The following GABRA5 variants were observed in gnomAD, a reference collection of about 807,000 sequenced individuals.
The protein encoded by GABRA5 is gamma-aminobutyric acid type A receptor subunit alpha5.
A neutral mutation model predicts 47.3 loss-of-function variants in GABRA5; 18 were observed. That is an observed-to-expected ratio of 0.38 (90% CI 0.26 to 0.56). The LOEUF is 0.56. Among genes scored for constraint, GABRA5 ranks in the 20% least tolerant of loss-of-function variants. GABRA5 has a pLI of 0.71. For synonymous variants in GABRA5, 237 were observed against 229.3 expected, an observed-to-expected ratio of 1.03 and a Z score of -0.30; for missense variants, 365 against 599.3, an observed-to-expected ratio of 0.61 and a Z score of 4.08.
chr15:26,882,563 C>T (rs1892758750), intron 4 of GABRA5, among the ~76,000 whole-genome samples: 1 of 152,178 alleles, frequency 6.6e-6, no homozygotes, highest in South Asian at 2.1e-4. Context: ...ATCACTTTAC[C>T]TATTTCCAAT....
At chr15:26,916,386 T>C (rs971370158) in intron 7 of GABRA5, among the ~76,000 whole-genome samples, 1 of 152,186 alleles carries the variant, frequency 6.6e-6, no homozygotes, top group South Asian at 2.1e-4. Context: ...GTTGACTGTA[T>C]ATGCATAGAT....
chr15:26,868,205 T>A (rs1892371264), intron 1 of GABRA5: 1 of 152,022 alleles, frequency 6.6e-6, no homozygotes, highest in Non-Finnish European at 1.5e-5. Context: ...GTTTCCCGCA[T>A]GCAGCGCCGC....
At position 26,867,336 on chromosome 15, in the gene GABRA5, G is replaced by A. The variant is rs1480224782; in HGVS notation, c.-140+225G>A. The A allele has an allele frequency of 1.3e-5, 2 of 151,936 alleles. No individual in the cohort carries two copies. Among genetic ancestry groups the A allele is most frequent in the Admixed American group, 1.3e-4 (2 of 15,264 alleles). 9.4% of individuals were successfully genotyped at this position (151,936 alleles called of 1,614,324 possible). A position where few individuals can be genotyped will look rare whatever the true frequency, so the allele number is the denominator to read the frequency against. ...CCGGGCGAGAGCAGGCGGAGGAGAAGGAGGATGCATCCTCACCGACGGCTC... is the reference window on the plus strand; with the variant it reads ...CCGGGCGAGAGCAGGCGGAGGAGAAAGAGGATGCATCCTCACCGACGGCTC... On this transcript the variant is annotated intron_variant, in intron 1 of 10. Coordinates refer to ENST00000335625, the MANE Select transcript of GABRA5 (RefSeq NM_000810.4). The surrounding 1 kb of genome is among the most constrained non-coding windows in gnomAD (Gnocchi z 5.9).
rs778204274 is a variant in GABRA5 at position 26,948,218 on chromosome 15, C to T, written c.1374C>T (p.Ala458=). The change falls in exon 11 of 11, where the codon GCC becomes GCT. Residue 458 remains alanine, a synonymous_variant. Transcript: ENST00000335625. Reference sequence around the variant, plus strand: ...ATAGGGAGCCGGTGATAAAAGGAGCCGCCTCTCCAAAATAACCGGCCACAC... The same window carrying T: ...ATAGGGAGCCGGTGATAAAAGGAGCTGCCTCTCCAAAATAACCGGCCACAC... ...YLNREPVIKG[A]ASPK 72 of 1,611,528 alleles carry T rather than the reference C, an allele frequency of 4.5e-5. 1 individual carries two copies. Among genetic ancestry groups the T allele is most frequent in the East Asian group, 4.0e-4 (18 of 44,874 alleles).
chr15:26,939,289 G>A (rs546015200), intron 8 of GABRA5: 19 of 765,302 alleles, frequency 2.5e-5, no homozygotes, highest in South Asian at 1.5e-4. Context: ...AGGTCTCCTC[G>A]TGCCTCCCAC....
chr15:26,929,336 C>T (rs1364621348), intron 7 of GABRA5, among the ~76,000 whole-genome samples: 1 of 152,184 alleles, frequency 6.6e-6, no homozygotes, highest in African/African-American at 2.4e-5. Flanking sequence ...CAGAGAAAGT[C>T]CAGAACCGAG....
Position 26,937,177 on chromosome 15 carries a change from T to G in GABRA5, c.581-8T>G. The G allele has an allele frequency of 6.2e-7, 1 of 1,613,904 alleles. No homozygotes were observed. The highest frequency in any genetic ancestry group is 1.1e-5 in the South Asian group (1 of 91,088). The stretch of plus-strand genomic sequence containing the variant: ...GTTTATGTCACTTTCTGCCCCCTCC[T>G]CATACAGATGCGTACCCTAATTCTG... On this transcript the variant is annotated splice_region_variant and splice_polypyrimidine_tract_variant and intron_variant, in intron 7 of 10. Transcript: ENST00000335625.
chr15:26,944,600 G>A (rs1317948789), intron 10 of GABRA5, among the ~76,000 whole-genome samples: 6 of 152,206 alleles, frequency 3.9e-5, no homozygotes, highest in Admixed American at 3.9e-4. Context: ...CTCGGGGGCT[G>A]GGAGCAGGCT....
chr15:26,916,210 A>T (rs1893713849), intron 7 of GABRA5, among the ~76,000 whole-genome samples: 1 of 152,178 alleles, frequency 6.6e-6, no homozygotes. Flanking sequence ...TACTGTGACA[A>T]TTAGAATGTT....
chr15:26,941,439 C>CA (rs375526240), intron 9 of GABRA5, among the ~76,000 whole-genome samples: 174 of 148,626 alleles, frequency 1.2e-3, no homozygotes, highest in Middle Eastern at 3.4e-3. Context: ...GTGGATTTCT[C>CA]AAAAAAAAAA....
At chr15:26,944,426 T>A (rs1236339846) in intron 10 of GABRA5, among the ~76,000 whole-genome samples, 1 of 152,194 alleles carries the variant, frequency 6.6e-6, no homozygotes, top group Admixed American at 6.5e-5. Context: ...GAAGCCCCAC[T>A]TCCAAGCCTA....
At chr15:26,893,181 T>G (rs1328595303) in intron 6 of GABRA5, among the ~76,000 whole-genome samples, 3 of 112,726 alleles carry the variant, frequency 2.7e-5, no homozygotes, top group South Asian at 2.8e-4. Flanking sequence ...ATGTGGTGTG[T>G]GGTGTGTGTG....
chr15:26,921,594 G>T (rs1289240148), intron 7 of GABRA5, among the ~76,000 whole-genome samples: 1 of 151,878 alleles, frequency 6.6e-6, no homozygotes, highest in Non-Finnish European at 1.5e-5. Flanking sequence ...TTATTTCACT[G>T]ATTTCTGCTT....
At chr15:26,906,674 G>T (rs1049081215) in intron 6 of GABRA5, among the ~76,000 whole-genome samples, 3 of 151,906 alleles carry the variant, frequency 2.0e-5, no homozygotes, top group African/African-American at 7.3e-5. Context: ...TTGTGGATTT[G>T]TGCTGTTTCT....
chr15:26,900,569 T>C (rs947441991), intron 6 of GABRA5, among the ~76,000 whole-genome samples: 9 of 152,102 alleles, frequency 5.9e-5, no homozygotes, highest in Non-Finnish European at 1.0e-4. Flanking sequence ...CAGTTTTAGG[T>C]TTACAGACAA....
intron 3 of GABRA5, among the ~76,000 whole-genome samples, chr15:26,879,099 A>T (rs879306538): frequency 9.2e-5 from 14 of 152,360 alleles, no homozygotes; most frequent in South Asian, 8.3e-4. Context: ...GGAGTAGCTT[A>T]GAAAACTTTA....
At chr15:26,907,620 G>T (rs1737178560) in intron 6 of GABRA5, among the ~76,000 whole-genome samples, 1 of 152,078 alleles carries the variant, frequency 6.6e-6, no homozygotes, top group African/African-American at 2.4e-5. Flanking sequence ...AACTGCAGTG[G>T]ATCTACAACC....
intron 9 of GABRA5, among the ~76,000 whole-genome samples, chr15:26,942,645 G>A (rs1244057967): frequency 1.3e-5 from 2 of 152,172 alleles, no homozygotes; most frequent in African/African-American, 4.8e-5. Context: ...AGCACTGGCT[G>A]TTTGCCTGGC....
chr15:26,880,755 C>G (rs1892709196), intron 3 of GABRA5, 91 bp from the exon 4 acceptor site: 8 of 1,350,498 alleles, frequency 5.9e-6, no homozygotes, highest in Non-Finnish European at 8.2e-6. Flanking sequence ...AGGAGACAAG[C>G]CTCCACGTGA....
Sources: gnomAD v4.1 joint callset for allele counts (sites outside exome capture counted in the v4.1 genomes callset) on GRCh38, gnomAD v4.1.1 for gene constraint, Gnocchi (gnomAD v3.1) non-coding constraint, MANE v1.5 for transcripts, NCBI Gene and HGNC (gene_info 2026-07-23, HGNC 2026-07-21) for gene names.